Variants in NMNAT2 observed in about 807,000 individuals in gnomAD.
NMNAT2 encodes nicotinamide/nicotinic acid mononucleotide adenylyltransferase 2.
A neutral mutation model predicts 41.6 loss-of-function variants in NMNAT2; 11 were observed. The observed-to-expected ratio is 0.26, with a 90% confidence interval of 0.17 to 0.44. The LOEUF is 0.44. Ranked by LOEUF, NMNAT2 falls within the 20% of genes least tolerant of loss-of-function variation. The pLI is 1.00. For synonymous variants in NMNAT2, 148 were observed against 151.2 expected, an observed-to-expected ratio of 0.98 and a Z score of 0.16; for missense variants, 288 against 407.7, an observed-to-expected ratio of 0.71 and a Z score of 2.53.
intron 1 of NMNAT2, among the ~76,000 whole-genome samples, chr1:183,365,771 A>G (rs1278725636): frequency 1.3e-5 from 2 of 151,888 alleles, no homozygotes; most frequent in Non-Finnish European, 2.9e-5. Flanking sequence ...GGTGGCCCAC[A>G]GCCCCTGAGA....
At chr1:183,330,001 G>A (rs970313597) in intron 1 of NMNAT2, among the ~76,000 whole-genome samples, 3 of 152,182 alleles carry the variant, frequency 2.0e-5, no homozygotes, top group Admixed American at 6.5e-5. Context: ...AAAACCGGGA[G>A]GCTGGATATC....
chr1:183,292,725 T>C, intron 3 of NMNAT2, 65 bp downstream of exon 3: 1 of 1,454,724 alleles, frequency 6.9e-7, no homozygotes, highest in South Asian at 1.2e-5. Context: ...ACTCTTCTTT[T>C]TTCCCCACCC....
intron 1 of NMNAT2, among the ~76,000 whole-genome samples, chr1:183,414,130 G>T (rs1365440929): frequency 6.6e-6 from 1 of 152,160 alleles, no homozygotes; most frequent in Admixed American, 6.6e-5. Flanking sequence ...ATATCAGAGC[G>T]CAGTGAAAAG....
At position 183,344,695 on chromosome 1, in the gene NMNAT2, A is replaced by G. The variant is rs899461266; in HGVS notation, c.86-50902T>C. ...TTGTAAGATGTTTAGTAGCATAAAC[A>G]TAAATAAAGTCTGGAAACACTTCCA... On this transcript the variant is annotated intron_variant, in intron 1 of 10. Transcript: ENST00000287713. Among the ~76,000 whole-genome samples, 5 of 152,352 alleles carry G rather than the reference A, an allele frequency of 3.3e-5. No individual in the cohort carries two copies. The East Asian group carries it at 7.7e-4, about 24-fold the overall frequency.
intron 1 of NMNAT2, among the ~76,000 whole-genome samples, chr1:183,369,244 T>C (rs527940833): frequency 7.4e-6 from 1 of 135,350 alleles, no homozygotes; most frequent in East Asian, 2.3e-4. Flanking sequence ...AGGTATTCTT[T>C]TTTTTTTTCT....
chr1:183,272,617 G>A (rs1013070663), intron 8 of NMNAT2, among the ~76,000 whole-genome samples: 2 of 152,186 alleles, frequency 1.3e-5, no homozygotes, highest in African/African-American at 4.8e-5. Flanking sequence ...TAGATTTCTG[G>A]ATGGAGAGCT....
At chr1:183,370,223 TACACACACACACACACACACACAC>T (rs57569629) in intron 1 of NMNAT2, among the ~76,000 whole-genome samples, 1,772 of 112,818 alleles carry the variant, frequency 0.016, 34 homozygotes, top group African/African-American at 0.056. Context: ...TATCAACACA[TACACACACACACACACACACACAC>T]ACACACACAC....
intron 1 of NMNAT2, among the ~76,000 whole-genome samples, chr1:183,315,924 AT>A (rs1299456856): frequency 2.0e-5 from 3 of 152,242 alleles, no homozygotes; most frequent in Non-Finnish European, 4.4e-5. Flanking sequence ...AAATAAAAAA[AT>A]AAAATGAGTA....
intron 4 of NMNAT2, among the ~76,000 whole-genome samples, chr1:183,287,054 A>G (rs1381196912): frequency 2.0e-5 from 3 of 152,088 alleles, no homozygotes; most frequent in Admixed American, 2.0e-4. Flanking sequence ...GACCTTGGAC[A>G]GTTATTTCAT....
intron 10 of NMNAT2, among the ~76,000 whole-genome samples, chr1:183,258,792 C>A (rs748940478): frequency 6.6e-6 from 1 of 152,086 alleles, no homozygotes; most frequent in African/African-American, 2.4e-5. Flanking sequence ...TGCGGCCCCC[C>A]ACCCAGGAAC....
At chr1:183,408,274 C>A (rs903077345) in intron 1 of NMNAT2, among the ~76,000 whole-genome samples, 1 of 152,190 alleles carries the variant, frequency 6.6e-6, no homozygotes, top group Non-Finnish European at 1.5e-5. Flanking sequence ...CAACCACTCA[C>A]CTCTGTTGTT....
At position 183,393,453 on chromosome 1, in the gene NMNAT2, C is replaced by T. The variant is rs555655269; in HGVS notation, c.85+24730G>A. ...ATCCTAAGTCCCCTCACTCAAGGAC[C>T]ATGGCTGCTACACAGTTGGCTTTAA... On this transcript the variant is annotated intron_variant, in intron 1 of 10. Coordinates refer to ENST00000287713, the MANE Select transcript of NMNAT2 (RefSeq NM_015039.4). 4.6e-5 allele frequency among the ~76,000 whole-genome samples: 7 copies of T among 151,622 alleles called. No homozygotes were observed. The South Asian group carries it at 1.5e-3, about 32-fold the overall frequency.
At chr1:183,399,976 G>C (rs1648765041) in intron 1 of NMNAT2, among the ~76,000 whole-genome samples, 1 of 152,112 alleles carries the variant, frequency 6.6e-6, no homozygotes, top group Non-Finnish European at 1.5e-5. Context: ...GACAAAAACT[G>C]GAAGCATTCC....
At chr1:183,298,324 C>A (rs1661756318) in intron 1 of NMNAT2, among the ~76,000 whole-genome samples, 1 of 152,148 alleles carries the variant, frequency 6.6e-6, no homozygotes, top group African/African-American at 2.4e-5. Flanking sequence ...GAAACTCCAG[C>A]AACTAATAAG....
At chr1:183,334,193 A>T (rs1662637914) in intron 1 of NMNAT2, among the ~76,000 whole-genome samples, 1 of 152,058 alleles carries the variant, frequency 6.6e-6, no homozygotes, top group African/African-American at 2.4e-5. Flanking sequence ...CACTCTTCCG[A>T]GTAGCTGGGA....
At chr1:183,291,865 T>C (rs1309995861) in intron 3 of NMNAT2, among the ~76,000 whole-genome samples, 1 of 152,192 alleles carries the variant, frequency 6.6e-6, no homozygotes, top group Non-Finnish European at 1.5e-5. Context: ...TTTAGGGGGA[T>C]AAGAAAGTCT....
rs531574121 is a variant in NMNAT2, at chr1:183,416,678, C to A, written c.85+1505G>T. Among the ~76,000 whole-genome samples the A allele has an allele frequency of 8.5e-5, 13 of 152,268 alleles. No homozygotes were observed. In the South Asian group the frequency reaches 2.5e-3, roughly 29 times the overall value. On this transcript the variant is annotated intron_variant, in intron 1 of 10. Coordinates refer to ENST00000287713, the MANE Select transcript of NMNAT2 (RefSeq NM_015039.4). ...TATCTCTCAGCCTCCCTCCTTCTAT[C>A]GTGTAGATATGCCTACCCGATTTGC...
At chr1:183,327,054 G>GTATA (rs1380540090) in intron 1 of NMNAT2, among the ~76,000 whole-genome samples, 7 of 145,416 alleles carry the variant, frequency 4.8e-5, no homozygotes, top group African/African-American at 1.7e-4. Context: ...ATGTATGTAT[G>GTATA]TATGTATTTA....
At chr1:183,264,487 A>G (rs1660752413) in intron 8 of NMNAT2, among the ~76,000 whole-genome samples, 1 of 152,086 alleles carries the variant, frequency 6.6e-6, no homozygotes, top group East Asian at 1.9e-4. Context: ...CAAGATCTAC[A>G]GCTTTAGGGC....
Sources: gnomAD v4.1 joint callset for allele counts (sites outside exome capture counted in the v4.1 genomes callset) on GRCh38, gnomAD v4.1.1 for gene constraint, MANE v1.5 for transcripts, NCBI Gene and HGNC (gene_info 2026-07-23, HGNC 2026-07-21) for gene names.